The following KLRB1 variants were observed in gnomAD, a reference collection of about 807,000 sequenced individuals.
KLRB1 encodes killer cell lectin like receptor B1.
A neutral mutation model predicts 33.5 loss-of-function variants in KLRB1; 27 were observed. The ratio of observed to expected loss-of-function variants is 0.81; its 90% CI spans 0.59 to 1.11. The LOEUF (loss-of-function observed/expected upper bound fraction) is 1.11, where lower values mean the gene tolerates loss of function less well. Among genes scored for constraint, KLRB1 ranks in the 50% most tolerant of loss-of-function variants. The pLI is 0.00. For missense variants in KLRB1, 241 were observed against 254.1 expected (o/e 0.95, Z 0.35); for synonymous variants, 64 against 88.9 (o/e 0.72, Z 1.58).
Position 9,607,264 on chromosome 12 carries a change from T to TTCTTTTTCTTTCTC in KLRB1, c.85+490_85+491insGAGAAAGAAAAAGA, listed in dbSNP as rs1864616648. Among the ~76,000 whole-genome samples, 2 of 129,376 alleles carry TTCTTTTTCTTTCTC rather than the reference T, an allele frequency of 1.5e-5. 1 individual carries two copies. The highest frequency in any genetic ancestry group is 1.5e-4 in the Admixed American group (2 of 13,348). 84.9% of individuals were successfully genotyped at this position (129,376 alleles called of 152,430 possible). A position where few individuals can be genotyped will look rare whatever the true frequency, so the allele number is the denominator to read the frequency against. Reference sequence around the variant, plus strand: ...CCTTCCTCCTTCTCTTTTTCTTTCTTTCCTTTCCTTTCTCTCTCTTTCTTT... The same window carrying TTCTTTTTCTTTCTC: ...CCTTCCTCCTTCTCTTTTTCTTTCTTTCTTTTTCTTTCTCTCCTTTCCTTTCTCTCTCTTTCTTT... On this transcript the variant is annotated intron_variant, in intron 1 of 5. Transcript: ENST00000229402.
At position 9,595,240 on chromosome 12, in the gene KLRB1, A is replaced by C; in HGVS notation, c.*34T>G. The C allele has an allele frequency of 1.9e-6, 3 of 1,600,172 alleles. No individual in the cohort carries two copies. The highest frequency in any genetic ancestry group is 2.6e-6 in the Non-Finnish European group (3 of 1,167,932). On this transcript the variant is annotated 3_prime_UTR_variant, in exon 6 of 6. Coordinates refer to ENST00000229402, the MANE Select transcript of KLRB1 (RefSeq NM_002258.3). ...GCAGCTACAAGTACAGAGATCAGTA[A>C]TGGGAAGCAAATAAATTGAGATGGG...
intron 5 of KLRB1, among the ~76,000 whole-genome samples, chr12:9,597,651 T>C (rs1864504453): frequency 6.6e-6 from 1 of 152,184 alleles, no homozygotes. Context: ...TTCTTTTCTT[T>C]TAATGCCAGC....
chr12:9,601,002 AC>A (rs1230234070), intron 2 of KLRB1, among the ~76,000 whole-genome samples: 6 of 142,694 alleles, frequency 4.2e-5, no homozygotes, highest in Non-Finnish European at 9.2e-5. Flanking sequence ...TCGGTATAAA[AC>A]CCGATTGTAT....
intron 5 of KLRB1, among the ~76,000 whole-genome samples, chr12:9,597,285 A>C (rs1014573192): frequency 1.3e-5 from 2 of 152,164 alleles, no homozygotes; most frequent in African/African-American, 4.8e-5. Flanking sequence ...ATCTCTTTTG[A>C]AAAACTCATT....
At position 9,594,678 on chromosome 12, in the gene KLRB1, T is replaced by C. The variant is rs779039969; in HGVS notation, c.*596A>G. 6.6e-6 allele frequency: 1 copy of C among 152,194 alleles called. No individual in the cohort carries two copies. Among genetic ancestry groups the C allele is most frequent in the East Asian group, 1.9e-4 (1 of 5,184 alleles). The allele number at this position is 152,194 out of a possible 1,614,324, so 9.4% of individuals were successfully genotyped here. On this transcript the variant is annotated 3_prime_UTR_variant, in exon 6 of 6. Transcript: ENST00000229402. ...GCTTTTTAGACCAAGAATGATAAAT[T>C]TGAAAAGAAATGACAGGATGAAGAA... is the stretch of plus-strand genomic sequence containing the variant.
In KLRB1 at chr12:9,600,970, T is replaced by C. The variant is rs28845926; in HGVS notation, c.184+531A>G. On this transcript the variant is annotated intron_variant, in intron 2 of 5. Transcript: ENST00000229402. ...AAGAGGAAGGCATCTGTCTCCTGCC[T>C]GTCCCTGGGCAATGGAATGTCTCGG... Among the ~76,000 whole-genome samples the C allele has an allele frequency of 5.3e-5, 8 of 150,284 alleles. No individual in the cohort carries two copies. The East Asian group carries it at 1.4e-3, about 26-fold the overall frequency.
chr12:9,607,310 T>TCTCTCC, intron 1 of KLRB1, among the ~76,000 whole-genome samples: 1 of 141,034 alleles, frequency 7.1e-6, no homozygotes, highest in African/African-American at 2.6e-5. Context: ...CCTTTCTTTC[T>TCTCTCC]TTCTTCTTTT....
At chr12:9,596,612 ATTATC>A (rs1591655543) in intron 5 of KLRB1, among the ~76,000 whole-genome samples, 1 of 152,192 alleles carries the variant, frequency 6.6e-6, no homozygotes, top group South Asian at 2.1e-4. Flanking sequence ...CCTGATCACT[ATTATC>A]TTAAAGCATC....
rs1864481010 is a variant in KLRB1, at chr12:9,595,119, A to G, written c.*155T>C. On this transcript the variant is annotated 3_prime_UTR_variant, in exon 6 of 6. Coordinates refer to ENST00000229402, the MANE Select transcript of KLRB1 (RefSeq NM_002258.3). ...ATTTAATAGAATGAATATGATAAAC[A>G]TGAACTTCTGTAAGATTCATAACAG... 3.2e-6 allele frequency: 2 copies of G among 627,138 alleles called. No individual in the cohort carries two copies. Among genetic ancestry groups the G allele is most frequent in the East Asian group, 2.7e-5 (1 of 36,972 alleles). 38.8% of individuals were successfully genotyped at this position (627,138 alleles called of 1,614,324 possible).
chr12:9,595,218 G>C lies in KLRB1; in HGVS notation c.*56C>G. 6.6e-7 allele frequency: 1 copy of C among 1,510,288 alleles called. No individual in the cohort carries two copies. Among genetic ancestry groups the C allele is most frequent in the Non-Finnish European group, 9.2e-7 (1 of 1,089,636 alleles). 93.6% of individuals were successfully genotyped at this position (1,510,288 alleles called of 1,614,324 possible). A position where few individuals can be genotyped will look rare whatever the true frequency, so the allele number is the denominator to read the frequency against. The stretch of plus-strand genomic sequence containing the variant: ...TTAGGTAGTACCAATAGTATGTGCA[G>C]CTACAAGTACAGAGATCAGTAATGG... On this transcript the variant is annotated 3_prime_UTR_variant, in exon 6 of 6. Transcript: ENST00000229402.
intron 1 of KLRB1, among the ~76,000 whole-genome samples, chr12:9,603,170 C>A (rs1237249281): frequency 6.6e-6 from 1 of 152,112 alleles, no homozygotes; most frequent in Non-Finnish European, 1.5e-5. Flanking sequence ...AGGGATATAT[C>A]TGAATGTGAG....
At position 9,606,756 on chromosome 12, in the gene KLRB1, A is replaced by ATTTTTTTTTTTT. The variant is rs1188705968; in HGVS notation, c.85+998_85+999insAAAAAAAAAAAA. Among the ~76,000 whole-genome samples, 207 of 31,508 alleles carry ATTTTTTTTTTTT rather than the reference A, an allele frequency of 6.6e-3. 17 individuals are homozygous for ATTTTTTTTTTTT. Among genetic ancestry groups the ATTTTTTTTTTTT allele is most frequent in the Non-Finnish European group, 9.9e-3 (172 of 17,436 alleles). The allele number at this position is 31,508 out of a possible 152,430, so 20.7% of individuals were successfully genotyped here. ...AAAGTATATATATATATATATATAT[A>ATTTTTTTTTTTT]TATATTTTTTTTTTTTTTTTGAGAT... On this transcript the variant is annotated intron_variant, in intron 1 of 5. Transcript: ENST00000229402.
At chr12:9,598,441 T>TA in intron 4 of KLRB1, 58 bp downstream of exon 4, 1 of 1,506,396 alleles carries the variant, frequency 6.6e-7, no homozygotes, top group Non-Finnish European at 9.1e-7. Flanking sequence ...TGCACAGACA[T>TA]TAATATGGTT....
intron 1 of KLRB1, among the ~76,000 whole-genome samples, chr12:9,607,335 C>CTTCCTTT (rs1491505010): frequency 3.1e-5 from 2 of 65,170 alleles, no homozygotes; most frequent in Admixed American, 1.8e-4. Context: ...CTCTTTCTTT[C>CTTCCTTT]CTTTCTTTCT....
At chr12:9,606,760 A>ATATATATATATATTTTTTT (rs1336534922) in intron 1 of KLRB1, among the ~76,000 whole-genome samples, 1 of 63,744 alleles carries the variant, frequency 1.6e-5, no homozygotes, top group African/African-American at 8.3e-5. Flanking sequence ...ATATATATAT[A>ATATATATATATATTTTTTT]TTTTTTTTTT....
At chr12:9,604,650 T>C (rs943898141) in intron 1 of KLRB1, among the ~76,000 whole-genome samples, 4 of 152,182 alleles carry the variant, frequency 2.6e-5, no homozygotes, top group African/African-American at 4.8e-5. Context: ...TGTCCCTCAC[T>C]TCTGTCAGGT....
intron 1 of KLRB1, among the ~76,000 whole-genome samples, chr12:9,607,147 GGTT>G (rs1186841379): frequency 6.6e-6 from 1 of 151,980 alleles, no homozygotes; most frequent in African/African-American, 2.4e-5. Context: ...GAATAACGTA[GGTT>G]GTTATTACAG....
At chr12:9,601,059 A>G (rs12828936) in intron 2 of KLRB1, among the ~76,000 whole-genome samples, 65,053 of 77,696 alleles carry the variant, frequency 0.84, 28,225 homozygotes, top group East Asian at 0.99. Context: ...GGCTGGAGGT[A>G]GGACCTGCGG....
In KLRB1 at chr12:9,595,266, A is replaced by G. The variant is rs779240538; in HGVS notation, c.*8T>C. 2.5e-6 allele frequency: 4 copies of G among 1,612,096 alleles called. No individual in the cohort carries two copies. The highest frequency in any genetic ancestry group is 3.4e-6 in the Non-Finnish European group (4 of 1,178,446). On this transcript the variant is annotated 3_prime_UTR_variant, in exon 6 of 6. Coordinates refer to ENST00000229402, the MANE Select transcript of KLRB1 (RefSeq NM_002258.3). ...TGGGAAGCAAATAAATTGAGATGGG[A>G]TTCATAGTCAAGAGTCAGGATACAC...
Sources: gnomAD v4.1 joint callset for allele counts (sites outside exome capture counted in the v4.1 genomes callset) on GRCh38, gnomAD v4.1.1 for gene constraint, MANE v1.5 for transcripts, NCBI Gene and HGNC (gene_info 2026-07-23, HGNC 2026-07-21) for gene names.